Variants in ROBO2 observed in about 807,000 individuals in gnomAD.
ROBO2 encodes the protein roundabout guidance receptor 2.
A neutral mutation model predicts 160.8 loss-of-function variants in ROBO2; 53 were observed. The observed-to-expected ratio is 0.33, with a 90% confidence interval of 0.26 to 0.41. ROBO2 has a LOEUF of 0.41. Ranked by LOEUF, ROBO2 falls within the 10% of genes least tolerant of loss-of-function variation. The pLI is 1.00. For missense variants in ROBO2, 1,577 were observed against 1,722.4 expected (o/e 0.92, Z 1.49); for synonymous variants, 664 against 611.7 (o/e 1.09, Z -1.26).
chr3:75,944,067 A>G (rs2107114436), intron 2 of ROBO2, among the ~76,000 whole-genome samples: 1 of 152,248 alleles, frequency 6.6e-6, no homozygotes, highest in Admixed American at 6.5e-5. Flanking sequence ...ATTAATCTGT[A>G]TACGAAATTT....
chr3:76,100,425 A>G (rs967497697), intron 2 of ROBO2, among the ~76,000 whole-genome samples: 2 of 152,206 alleles, frequency 1.3e-5, no homozygotes, highest in African/African-American at 2.4e-5. Context: ...CTAGAGCTAA[A>G]TATTCTTGCA....
intron 2 of ROBO2, among the ~76,000 whole-genome samples, chr3:75,975,194 A>G (rs2107395270): frequency 1.3e-5 from 2 of 151,652 alleles, no homozygotes; most frequent in African/African-American, 4.8e-5. Context: ...AATTGGGTAC[A>G]ATACATGAAT....
chr3:76,574,760 G>C (rs1402150320), intron 2 of ROBO2, among the ~76,000 whole-genome samples: 3 of 152,000 alleles, frequency 2.0e-5, no homozygotes, highest in Non-Finnish European at 4.4e-5. Context: ...CACCTCACTG[G>C]GGAATCTTGT....
chr3:76,125,622 A>G (rs1000499291), intron 2 of ROBO2, among the ~76,000 whole-genome samples: 1 of 151,594 alleles, frequency 6.6e-6, no homozygotes, highest in African/African-American at 2.4e-5. Context: ...TTTTTTTCAC[A>G]TGTTTGTTGG....
intron 2 of ROBO2, among the ~76,000 whole-genome samples, chr3:76,245,491 A>G (rs924888475): frequency 1.3e-5 from 2 of 152,204 alleles, no homozygotes; most frequent in African/African-American, 4.8e-5. Flanking sequence ...TACAATACTC[A>G]TTACATTATA....
chr3:76,264,515 A>G (rs180748077), intron 2 of ROBO2, among the ~76,000 whole-genome samples: 21 of 152,256 alleles, frequency 1.4e-4, no homozygotes, highest in Admixed American at 3.9e-4. Context: ...ATTATGATAT[A>G]TAAGGTTCCT....
intron 1 of ROBO2, among the ~76,000 whole-genome samples, chr3:77,050,210 G>A (rs1227309491): frequency 6.6e-6 from 1 of 152,034 alleles, no homozygotes; most frequent in Admixed American, 6.6e-5. Context: ...TTAATACGTT[G>A]CCAGATAACA....
intron 2 of ROBO2, among the ~76,000 whole-genome samples, chr3:76,820,421 T>C (rs1363356516): frequency 6.6e-6 from 1 of 152,074 alleles, no homozygotes; most frequent in Non-Finnish European, 1.5e-5. Context: ...CCTTTTGTTC[T>C]CCTATAAATT....
intron 2 of ROBO2, among the ~76,000 whole-genome samples, chr3:76,958,090 A>T (rs2079404728): frequency 6.6e-6 from 1 of 152,230 alleles, no homozygotes; most frequent in Non-Finnish European, 1.5e-5. Flanking sequence ...GAAAAGACAA[A>T]AGAATAACTA....
intron 2 of ROBO2, among the ~76,000 whole-genome samples, chr3:76,833,332 GC>G (rs1193152804): frequency 2.0e-5 from 3 of 152,106 alleles, no homozygotes; most frequent in African/African-American, 4.8e-5. Context: ...CACATGCGTA[GC>G]CCCCAAAATT....
At chr3:76,845,143 G>T (rs1231589605) in intron 2 of ROBO2, among the ~76,000 whole-genome samples, 1 of 151,832 alleles carries the variant, frequency 6.6e-6, no homozygotes, top group Non-Finnish European at 1.5e-5. Flanking sequence ...AAATACCGTG[G>T]TTAAAAAGGA....
At chr3:76,254,912 C>A (rs1444995724) in intron 2 of ROBO2, among the ~76,000 whole-genome samples, 3 of 152,030 alleles carry the variant, frequency 2.0e-5, no homozygotes, top group Non-Finnish European at 4.4e-5. Context: ...CACTGTATTA[C>A]TTCTTAAAAC....
chr3:76,140,951 T>C (rs933509480), intron 2 of ROBO2, among the ~76,000 whole-genome samples: 8 of 147,626 alleles, frequency 5.4e-5, no homozygotes, highest in Non-Finnish European at 1.0e-4. Context: ...GGGAGAGATA[T>C]GACTGTTACC....
chr3:76,331,740 A>G (rs1461819811), intron 2 of ROBO2, among the ~76,000 whole-genome samples: 1 of 147,960 alleles, frequency 6.8e-6, no homozygotes, highest in Non-Finnish European at 1.5e-5. Context: ...CCAGGCCTGG[A>G]GTTCACGATC....
At chr3:76,621,093 ACCT>A (rs2089036861) in intron 2 of ROBO2, among the ~76,000 whole-genome samples, 3 of 150,978 alleles carry the variant, frequency 2.0e-5, no homozygotes, top group African/African-American at 4.9e-5. Flanking sequence ...CCAGAAGGAA[ACCT>A]CCTAAACACA....
intron 2 of ROBO2, among the ~76,000 whole-genome samples, chr3:76,018,535 C>G (rs1291260059): frequency 6.6e-6 from 1 of 151,692 alleles, no homozygotes; most frequent in African/African-American, 2.4e-5. Context: ...TTGAATTTAT[C>G]TGTTTTCAGA....
At chr3:77,462,577 T>A (rs1357501860) in intron 2 of ROBO2, among the ~76,000 whole-genome samples, 1 of 152,222 alleles carries the variant, frequency 6.6e-6, no homozygotes, top group African/African-American at 2.4e-5. Flanking sequence ...CAACTCTTTG[T>A]GTTGAATCCA....
Position 77,353,941 on chromosome 3 carries a change from C to T in ROBO2, c.389-123473C>T, listed in dbSNP as rs542903117. On this transcript the variant is annotated intron_variant, in intron 2 of 25. Coordinates refer to ENST00000461745, the Ensembl canonical transcript of ROBO2. ...GAATAGAAAATGTGTAAATGAATTA[C>T]ATTAATTACCGCTTCTTCCCACCAC... Among the ~76,000 whole-genome samples the T allele has an allele frequency of 1.3e-3, 194 of 152,324 alleles. 1 individual carries two copies. Among genetic ancestry groups the T allele is most frequent in the Admixed American group, 2.0e-3 (31 of 15,300 alleles).
At chr3:76,333,359 A>G (rs976682970) in intron 2 of ROBO2, among the ~76,000 whole-genome samples, 6 of 152,172 alleles carry the variant, frequency 3.9e-5, no homozygotes, top group Admixed American at 3.9e-4. Context: ...ACGCAGCGTA[A>G]AGTCATGATT....
Sources: allele counts gnomAD v4.1 joint callset (sites outside exome capture counted in the v4.1 genomes callset), GRCh38; gene constraint gnomAD v4.1.1; transcripts MANE v1.5; gene names NCBI Gene and HGNC (gene_info 2026-07-23, HGNC 2026-07-21).